Variants in KMT2E observed in about 807,000 individuals in gnomAD.
KMT2E encodes the protein lysine methyltransferase 2E (inactive), also known as histone reader KMT2E.
KMT2E carries 30 observed loss-of-function variants against 184.6 expected under a neutral mutation model. That is an observed-to-expected ratio of 0.16 (90% confidence interval 0.12 to 0.22). The LOEUF (loss-of-function observed/expected upper bound fraction) is 0.22. KMT2E is among the 10% of genes least tolerant of loss of function. The pLI is 1.00. For missense variants in KMT2E, 2,023 were observed against 2,237.4 expected (o/e 0.90, Z 1.93); for synonymous variants, 815 against 776.5 (o/e 1.05, Z -0.82).
intron 13 of KMT2E, among the ~76,000 whole-genome samples, chr7:105,088,906 T>G (rs1328948667): frequency 3.3e-5 from 5 of 152,230 alleles, no homozygotes; most frequent in Non-Finnish European, 5.9e-5. Flanking sequence ...AGGTAGCTTT[T>G]TAAAGAAACC....
intron 3 of KMT2E, among the ~76,000 whole-genome samples, chr7:105,054,502 ATCTATCTATCTATCTG>A (rs1354397610): frequency 2.9e-4 from 40 of 136,570 alleles, no homozygotes; most frequent in South Asian, 1.7e-3. Flanking sequence ...CTATCTATCT[ATCTATCTATCTATCTG>A]TCTGTCTGTC....
rs1295983722 is a variant in KMT2E at position 105,106,787 on chromosome 7, T to C, written c.2847+15T>C. ...TGCACTTTGAGGTGAGAAATTTTAA[T>C]GGAGAAAAAAAAATTCAACACTTGG... On this transcript the variant is annotated intron_variant, in intron 20 of 26. Coordinates refer to ENST00000311117, the MANE Select transcript of KMT2E (RefSeq NM_182931.3). 6 of 1,603,744 alleles carry C rather than the reference T, an allele frequency of 3.7e-6. No homozygotes were observed. The Middle Eastern group carries it at 8.4e-4, about 224-fold the overall frequency.
At chr7:105,099,402 AT>A (rs928895118) in intron 15 of KMT2E, among the ~76,000 whole-genome samples, 2 of 152,202 alleles carry the variant, frequency 1.3e-5, no homozygotes, top group Non-Finnish European at 2.9e-5. Context: ...GGACCACATT[AT>A]TTTTTAAGAT....
Position 105,066,723 on chromosome 7 carries a change from T to A in KMT2E, c.417-4T>A. ...TACATATGTTCTGCTTTTTTTTTTT[T>A]AAGCGTTTGGCAACATATTGACTGC... On this transcript the variant is annotated splice_region_variant and splice_polypyrimidine_tract_variant and intron_variant, in intron 5 of 26. Coordinates refer to ENST00000311117, the MANE Select transcript of KMT2E (RefSeq NM_182931.3). The A allele has an allele frequency of 5.6e-6, 9 of 1,600,294 alleles. No individual in the cohort carries two copies. Among genetic ancestry groups the A allele is most frequent in the South Asian group, 2.2e-5 (2 of 90,314 alleles).
chr7:105,083,237 G>C lies in KMT2E; in HGVS notation c.1358+1440G>C, dbSNP rs117559083. Among the ~76,000 whole-genome samples, 286 of 152,248 alleles carry C rather than the reference G, an allele frequency of 1.9e-3. 5 individuals carry two copies. In the East Asian group the frequency reaches 0.046, roughly 24 times the overall value. On this transcript the variant is annotated intron_variant, in intron 13 of 26. Transcript: ENST00000311117. ...TGGTATAATCCTTCCAGACTTTCATGATCTTCTCTTTCAGGGTTCTGTTCC... is the reference window on the plus strand; with the variant it reads ...TGGTATAATCCTTCCAGACTTTCATCATCTTCTCTTTCAGGGTTCTGTTCC...
chr7:105,027,116 C>G (rs1795207645), intron 1 of KMT2E, among the ~76,000 whole-genome samples: 1 of 121,612 alleles, frequency 8.2e-6, no homozygotes, highest in Non-Finnish European at 1.6e-5. Context: ...GGGTCTTGCT[C>G]TGTCACCCAG....
intron 13 of KMT2E, among the ~76,000 whole-genome samples, chr7:105,083,716 C>CT (rs984624345): frequency 7.0e-4 from 107 of 152,246 alleles, no homozygotes; most frequent in African/African-American, 2.4e-3. Flanking sequence ...CTTTTTATGA[C>CT]TTTCCCCCCC....
In KMT2E at chr7:105,113,143, A is replaced by T; in HGVS notation, c.5387A>T (p.Gln1796Leu). The change falls in exon 27 of 27, where the codon CAG becomes CTG. Residue 1796 changes from glutamine (Q) to leucine (L), a missense_variant. Physicochemically the swap from Gln to Leu is moderately radical, Grantham distance 113. This residue lies in a region of KMT2E where 1,108 missense variants were observed against 1,050.9 expected (regional missense o/e 1.05). Coordinates refer to ENST00000311117, the MANE Select transcript of KMT2E (RefSeq NM_182931.3). The stretch of plus-strand genomic sequence containing the variant: ...TTACCTGTCACAGGTCCTCATCTCC[A>T]GCCCCAAGGACCAAACAGTATTCCA... ...CPLPVTGPHLQPQGPNSIPTP... is the reference protein window; with the variant it reads ...CPLPVTGPHLLPQGPNSIPTP... 1 of 1,614,124 alleles carries T rather than the reference A, an allele frequency of 6.2e-7. No individual in the cohort carries two copies. Among genetic ancestry groups the T allele is most frequent in the Non-Finnish European group, 8.5e-7 (1 of 1,180,014 alleles).
chr7:105,090,960 T>TA lies in KMT2E; in HGVS notation c.1624-256_1624-255insA, dbSNP rs529144899. On this transcript the variant is annotated intron_variant, in intron 14 of 26. Coordinates refer to ENST00000311117, the MANE Select transcript of KMT2E (RefSeq NM_182931.3). ...GTTTATGTTTTGGGAACTTTATAAA[T>TA]GTAAGGCCATGCTACCATATTTGAC... Among the ~76,000 whole-genome samples, 9 of 152,314 alleles carry TA rather than the reference T, an allele frequency of 5.9e-5. No homozygotes were observed. The South Asian group carries it at 1.9e-3, about 32-fold the overall frequency.
chr7:105,102,919 T>C (rs1051856316), intron 17 of KMT2E: 4 of 152,236 alleles, frequency 2.6e-5, no homozygotes, highest in Admixed American at 2.6e-4. Context: ...AACCATGACA[T>C]GTACATTTAG....
Position 105,110,579 on chromosome 7 carries a change from C to G in KMT2E, c.3947C>G (p.Pro1316Arg). 2 of 1,614,132 alleles carry G rather than the reference C, an allele frequency of 1.2e-6. No homozygotes were observed. The highest frequency in any genetic ancestry group is 1.7e-6 in the Non-Finnish European group (2 of 1,180,014). Residue 1316 changes from proline (P) to arginine (R), a missense_variant, in exon 25 of 27, where the codon CCT becomes CGT. By Grantham distance (103) the Pro-to-Arg change is moderately radical (BLOSUM62 -2). This residue lies in a region of KMT2E where 1,108 missense variants were observed against 1,050.9 expected (regional missense o/e 1.05). Coordinates refer to ENST00000311117, the MANE Select transcript of KMT2E (RefSeq NM_182931.3). ...IPQLQAKGPV[P>R]SFSELMEDPD... ...CAGTTGCAAGCTAAGGGCCCAGTCC[C>G]TTCTTTCAGTGAACTTATGGAAGGT...
Position 105,107,602 on chromosome 7 carries a change from C to G in KMT2E, c.3145C>G (p.Pro1049Ala). 1 of 1,614,068 alleles carries G rather than the reference C, an allele frequency of 6.2e-7. No individual in the cohort carries two copies. The highest frequency in any genetic ancestry group is 8.5e-7 in the Non-Finnish European group (1 of 1,179,990). ...LETPAHDRAE[P>A]NSQLDSTHSG... ...AACGCCTGCACATGACAGGGCTGAG[C>G]CCAACAGCCAACTGGACTCGACTCA... Residue 1049 changes from proline (P) to alanine (A), a missense_variant, in exon 22 of 27, where the codon CCC (proline) becomes GCC (alanine). Physicochemically the swap from Pro to Ala is conservative, Grantham distance 27 (BLOSUM62 -1). Transcript: ENST00000311117.
chr7:105,076,869 A>ATT, intron 9 of KMT2E, 94 bp from the exon 10 acceptor site: 1 of 788,518 alleles, frequency 1.3e-6, no homozygotes, highest in South Asian at 1.6e-5. Flanking sequence ...ATTGCCGTTA[A>ATT]TTTTGTGTGT....
At chr7:105,041,184 C>T (rs1795862780) in intron 3 of KMT2E, among the ~76,000 whole-genome samples, 161 bp downstream of exon 3, 1 of 150,562 alleles carries the variant, frequency 6.6e-6, no homozygotes, top group Non-Finnish European at 1.5e-5. Flanking sequence ...TTCTCAAACA[C>T]TGAGAACGTG....
chr7:105,096,247 CA>C (rs11330758), intron 15 of KMT2E, among the ~76,000 whole-genome samples: 29,260 of 70,606 alleles, frequency 0.41, 2,671 homozygotes, highest in African/African-American at 0.46. Flanking sequence ...GTGAAAGGCT[CA>C]AAAAAAAAAA....
At chr7:105,023,402 CA>C (rs1158885663) in intron 1 of KMT2E, among the ~76,000 whole-genome samples, 1,670 of 55,882 alleles carry the variant, frequency 0.03, 11 homozygotes, top group Admixed American at 0.063. Context: ...GACTCTGTCT[CA>C]AAAAAAAAAA....
chr7:105,112,207 A>C lies in KMT2E; in HGVS notation c.4451A>C (p.Gln1484Pro). Residue 1484 changes from glutamine (Q) to proline (P), a missense_variant, in exon 27 of 27, where the codon CAG (glutamine) becomes CCG (proline). This residue lies in a region of KMT2E where 1,108 missense variants were observed against 1,050.9 expected (regional missense o/e 1.05). Coordinates refer to ENST00000311117, the MANE Select transcript of KMT2E (RefSeq NM_182931.3). ...LGSPYRPHHS[Q>P]SPQVGTPQRE... Reference sequence around the variant, plus strand: ...TCTCCCTACAGGCCTCATCATTCACAGTCACCTCAAGTTGGAACACCTCAG... The same window carrying C: ...TCTCCCTACAGGCCTCATCATTCACCGTCACCTCAAGTTGGAACACCTCAG... 1 of 1,614,136 alleles carries C rather than the reference A, an allele frequency of 6.2e-7. No homozygotes were observed. The highest frequency in any genetic ancestry group is 8.5e-7 in the Non-Finnish European group (1 of 1,180,004).
At position 105,101,987 on chromosome 7, in the gene KMT2E, G is replaced by T; in HGVS notation, c.1989G>T (p.Gln663His). Residue 663 changes from glutamine (Q) to histidine (H), a missense_variant, in exon 17 of 27, where the codon CAG (glutamine) becomes CAT (histidine). Physicochemically the swap from Gln to His is conservative, Grantham distance 24 (BLOSUM62 0). Around this residue, in one of 8 missense-constraint regions of KMT2E, gnomAD observed 514 missense variants for 621.8 expected, o/e 0.83. Transcript: ENST00000311117. ...SFSRSRTHIG[Q>H]QRRRHRTVSM... is the part of the protein sequence containing the mutation. ...CTCGGAGTAGGACTCACATTGGACA[G>T]CAGCGTCGGAGACACAGAACTGTCA... is the stretch of plus-strand genomic sequence containing the variant. 1 of 1,613,930 alleles carries T rather than the reference G, an allele frequency of 6.2e-7. No individual in the cohort carries two copies. The highest frequency in any genetic ancestry group is 8.5e-7 in the Non-Finnish European group (1 of 1,179,878).
chr7:105,066,204 A>G (rs1291092260), intron 5 of KMT2E, among the ~76,000 whole-genome samples: 2 of 152,144 alleles, frequency 1.3e-5, no homozygotes, highest in Non-Finnish European at 2.9e-5. Flanking sequence ...GCACATTCCA[A>G]GTCCTAAGTA....
Sources: gnomAD v4.1 joint callset for allele counts (sites outside exome capture counted in the v4.1 genomes callset) on GRCh38, gnomAD v4.1.1 for gene constraint, gnomAD v4.1.1 regional missense constraint, MANE v1.5 for transcripts, NCBI Gene and HGNC (gene_info 2026-07-23, HGNC 2026-07-21) for gene names.